Variants in ADAMTS6 observed in about 807,000 individuals in gnomAD.
The protein encoded by ADAMTS6 is A disintegrin and metalloproteinase with thrombospondin motifs 6.
In ADAMTS6, 23 loss-of-function variants were observed where a neutral mutation model predicts 144.3. That is an observed-to-expected ratio of 0.16 (90% CI 0.11 to 0.23). The LOEUF (loss-of-function observed/expected upper bound fraction) is 0.23. Ranked by LOEUF, ADAMTS6 falls within the 10% of genes least tolerant of loss-of-function variation. The pLI is 1.00. For missense variants in ADAMTS6, 999 were observed against 1,379.6 expected (o/e 0.72, Z 4.37); for synonymous variants, 444 against 457.5 (o/e 0.97, Z 0.38).
chr5:65,188,002 T>A lies in ADAMTS6; in HGVS notation c.2910+14A>T. 2 of 1,613,460 alleles carry A rather than the reference T, an allele frequency of 1.2e-6. No individual in the cohort carries two copies. The highest frequency in any genetic ancestry group is 1.1e-5 in the South Asian group (1 of 91,064). On this transcript the variant is annotated intron_variant, in intron 22 of 24. Transcript: ENST00000381055. ...CATTTCAAAACATATACATATAGCC[T>A]CAGATTTCCTTACCTCAGACCAGTC...
chr5:65,328,510 T>G (rs1746395219), intron 9 of ADAMTS6, among the ~76,000 whole-genome samples: 1 of 146,858 alleles, frequency 6.8e-6, no homozygotes, highest in African/African-American at 2.6e-5. Context: ...GTCAACTGTT[T>G]CTGTTTTAGA....
intron 7 of ADAMTS6, among the ~76,000 whole-genome samples, chr5:65,414,298 T>C (rs1029248305): frequency 6.6e-6 from 1 of 152,214 alleles, no homozygotes. Context: ...TTATTTACTT[T>C]TGTTATTTCT....
intron 24 of ADAMTS6, among the ~76,000 whole-genome samples, chr5:65,160,310 T>C (rs1022735249): frequency 6.7e-5 from 7 of 104,510 alleles, no homozygotes; most frequent in African/African-American, 1.9e-4. Flanking sequence ...TCCGACTTTC[T>C]TTTTTTTTTT....
At position 65,398,846 on chromosome 5, in the gene ADAMTS6, AAGAAAAAG is replaced by A. The variant is rs1433590578; in HGVS notation, c.1073+52621_1073+52628del. Among the ~76,000 whole-genome samples, 17 of 143,838 alleles carry A rather than the reference AAGAAAAAG, an allele frequency of 1.2e-4. 1 individual carries two copies. The East Asian group carries it at 2.2e-3, about 19-fold the overall frequency. The allele number at this position is 143,838 out of a possible 152,430, so 94.4% of individuals were successfully genotyped here. On this transcript the variant is annotated intron_variant, in intron 7 of 24. Transcript: ENST00000381055. ...AAAGAAAGAAAGAAAGAAAGAAAGA[AAGAAAAAG>A]AAAGAGAAAGAAAGAAAGAAAGAAA...
intron 7 of ADAMTS6, among the ~76,000 whole-genome samples, chr5:65,364,676 T>C (rs1431199713): frequency 6.6e-6 from 1 of 151,432 alleles, no homozygotes; most frequent in African/African-American, 2.4e-5. Context: ...ATGCCATTCT[T>C]CTGCCTCAGC....
chr5:65,254,431 T>C (rs571872336), intron 14 of ADAMTS6, among the ~76,000 whole-genome samples: 49 of 152,232 alleles, frequency 3.2e-4, no homozygotes, highest in Non-Finnish European at 6.3e-4. Flanking sequence ...ACATGGCAAA[T>C]TCCTAGCAAA....
At chr5:65,193,656 G>C (rs1453160438) in intron 21 of ADAMTS6, among the ~76,000 whole-genome samples, 1 of 152,068 alleles carries the variant, frequency 6.6e-6, no homozygotes, top group East Asian at 1.9e-4. Flanking sequence ...CAATCTTTCT[G>C]GAAAGTAATT....
At chr5:65,198,898 T>G (rs1323751226) in intron 20 of ADAMTS6, 2 of 152,228 alleles carry the variant, frequency 1.3e-5, no homozygotes, top group Admixed American at 1.3e-4. Flanking sequence ...TCAGGCATAG[T>G]TGTGATCCAT....
At chr5:65,285,202 A>T (rs1763272855) in intron 11 of ADAMTS6, among the ~76,000 whole-genome samples, 1 of 152,134 alleles carries the variant, frequency 6.6e-6, no homozygotes. Context: ...TGCTTTTAAG[A>T]TAGAAACTTA....
At chr5:65,457,453 T>C (rs1009327737) in intron 4 of ADAMTS6, among the ~76,000 whole-genome samples, 1 of 152,182 alleles carries the variant, frequency 6.6e-6, no homozygotes, top group African/African-American at 2.4e-5. Flanking sequence ...CAGAATTTTA[T>C]GATAGCCATA....
intron 9 of ADAMTS6, among the ~76,000 whole-genome samples, chr5:65,325,417 T>C (rs1746061097): frequency 6.6e-6 from 1 of 152,090 alleles, no homozygotes; most frequent in Admixed American, 6.6e-5. Context: ...CAGAGAGAAT[T>C]CCTACGGTTG....
intron 20 of ADAMTS6, chr5:65,210,988 CAACAAAAAAAG>C: frequency 5.6e-6 from 1 of 179,198 alleles, no homozygotes; most frequent in Non-Finnish European, 1.2e-5. Flanking sequence ...AACAAAAAAC[CAACAAAAAAAG>C]AACTGACTTT....
intron 7 of ADAMTS6, among the ~76,000 whole-genome samples, chr5:65,370,729 G>A (rs1750800483): frequency 6.6e-6 from 1 of 152,240 alleles, no homozygotes; most frequent in African/African-American, 2.4e-5. Context: ...GGCTTGCTTA[G>A]GTAAACAAAG....
At chr5:65,393,606 A>G (rs1753098214) in intron 7 of ADAMTS6, among the ~76,000 whole-genome samples, 1 of 152,224 alleles carries the variant, frequency 6.6e-6, no homozygotes, top group South Asian at 2.1e-4. Context: ...ATAAAATTAA[A>G]CATCCTCAAT....
At chr5:65,166,070 A>G (rs1195713487) in intron 24 of ADAMTS6, among the ~76,000 whole-genome samples, 1 of 145,532 alleles carries the variant, frequency 6.9e-6, no homozygotes, top group Non-Finnish European at 1.5e-5. Flanking sequence ...TTCTCCAATT[A>G]AAAGACACAG....
chr5:65,298,791 G>GT (rs1213863877), intron 10 of ADAMTS6, among the ~76,000 whole-genome samples: 3 of 152,020 alleles, frequency 2.0e-5, no homozygotes, highest in African/African-American at 4.8e-5. Context: ...CTTTTGATTT[G>GT]TTTTTTAATA....
intron 9 of ADAMTS6, among the ~76,000 whole-genome samples, chr5:65,323,569 T>A (rs1246015698): frequency 6.6e-5 from 10 of 152,064 alleles, no homozygotes; most frequent in Admixed American, 5.2e-4. Flanking sequence ...ATAATGCCGC[T>A]ATAAACATAC....
intron 7 of ADAMTS6, among the ~76,000 whole-genome samples, chr5:65,431,875 AT>A (rs1388325033): frequency 6.6e-6 from 1 of 152,088 alleles, no homozygotes; most frequent in African/African-American, 2.4e-5. Context: ...AGAGATGTAT[AT>A]TTGGATATAG....
intron 7 of ADAMTS6, among the ~76,000 whole-genome samples, chr5:65,449,266 A>C (rs925477331): frequency 6.6e-6 from 1 of 152,214 alleles, no homozygotes; most frequent in Admixed American, 6.5e-5. Flanking sequence ...TACTAATCTT[A>C]TTAAATCCTG....
Sources: gnomAD v4.1 joint callset for allele counts (sites outside exome capture counted in the v4.1 genomes callset) on GRCh38, gnomAD v4.1.1 for gene constraint, MANE v1.5 for transcripts, NCBI Gene and HGNC (gene_info 2026-07-23, HGNC 2026-07-21) for gene names.